The following ATP10A variants were observed in gnomAD, a reference collection of about 807,000 sequenced individuals.
The protein encoded by ATP10A is ATPase phospholipid transporting 10A (putative).
In ATP10A, 111 loss-of-function variants were observed where a neutral mutation model predicts 147.8. The observed-to-expected ratio is 0.75, with a 90% confidence interval of 0.64 to 0.88. The LOEUF is 0.88. Among genes scored for constraint, ATP10A ranks in the 40% least tolerant of loss-of-function variants. The pLI, the probability that ATP10A is intolerant of heterozygous loss-of-function variation, is 0.00. For missense variants in ATP10A, 1,927 were observed against 1,959.0 expected (o/e 0.98, Z 0.31); for synonymous variants, 875 against 841.6 (o/e 1.04, Z -0.69).
intron 20 of ATP10A, 23 bp downstream of exon 20, chr15:25,680,098 C>A: frequency 6.2e-7 from 1 of 1,610,032 alleles, no homozygotes. Flanking sequence ...GGCTCAGAGG[C>A]ACTATCCCGC....
rs139036982 is a variant in ATP10A, at chr15:25,713,213, G to A, written c.2344+461C>T. 5.5e-3 allele frequency among the ~76,000 whole-genome samples: 842 copies of A among 152,242 alleles called. 6 individuals carry two copies. The highest frequency in any genetic ancestry group is 0.019 in the African/African-American group (789 of 41,548). ...CAGGTTCCCTTTATGAGGGGGGCTC[G>A]GCCCTTCCCCTCCCAAGTGCCAGAA... On this transcript the variant is annotated intron_variant, in intron 10 of 20. Transcript: ENST00000555815.
At chr15:25,835,365 T>C (rs1892543630) in intron 1 of ATP10A, among the ~76,000 whole-genome samples, 1 of 152,202 alleles carries the variant, frequency 6.6e-6, no homozygotes, top group African/African-American at 2.4e-5. Context: ...AAAAAGCTAC[T>C]GAATTGTATA....
chr15:25,781,065 T>A lies in ATP10A; in HGVS notation c.608A>T (p.Glu203Val), dbSNP rs1175387648. ...CACCTGCCGCCGCTTCAGGTTGGTC[T>A]CTCCATCCAGGTTGGCGGTCTCGAT... ...CHIETANLDG[E>V]TNLKRRQVVR... Residue 203 changes from glutamate to valine, a missense_variant, in exon 2 of 21, where the codon GAG becomes GTG. By Grantham distance (121) the Glu-to-Val change is moderately radical (BLOSUM62 -2). Transcript: ENST00000555815. The A allele has an allele frequency of 6.2e-7, 1 of 1,613,976 alleles. No individual in the cohort carries two copies. The highest frequency in any genetic ancestry group is 8.5e-7 in the Non-Finnish European group (1 of 1,180,036).
intron 1 of ATP10A, among the ~76,000 whole-genome samples, chr15:25,790,899 T>A (rs2140744182): frequency 6.6e-6 from 1 of 152,298 alleles, no homozygotes; most frequent in African/African-American, 2.4e-5. Context: ...CATTCATTGG[T>A]ATGACAATCC....
chr15:25,785,264 A>G (rs909478788), intron 1 of ATP10A, among the ~76,000 whole-genome samples: 2 of 152,150 alleles, frequency 1.3e-5, no homozygotes, highest in African/African-American at 2.4e-5. Context: ...GAATGAGGCC[A>G]TAAGGCTAGG....
rs1420482554 is a variant in ATP10A at position 25,703,292 on chromosome 15, T to C, written c.2576-1192A>G. On this transcript the variant is annotated intron_variant, in intron 12 of 20. Transcript: ENST00000555815. ...ATTGCTTGAACCCAGGAGGTGGAGG[T>C]TGCAGTGAGCTGAGATCATGCCACT... 2.6e-5 allele frequency among the ~76,000 whole-genome samples: 4 copies of C among 152,036 alleles called. No homozygotes were observed. The East Asian group carries it at 7.7e-4, about 29-fold the overall frequency.
intron 12 of ATP10A, among the ~76,000 whole-genome samples, chr15:25,706,198 G>A (rs569013882): frequency 1.2e-4 from 18 of 152,164 alleles, no homozygotes; most frequent in Non-Finnish European, 2.5e-4. Context: ...CTCGGGTGCC[G>A]CAGGGGCCGT....
At chr15:25,807,727 G>A (rs770360223) in intron 1 of ATP10A, among the ~76,000 whole-genome samples, 62 of 152,122 alleles carry the variant, frequency 4.1e-4, no homozygotes, top group Middle Eastern at 6.8e-3. Flanking sequence ...GCTTGAATCT[G>A]GGAGGCAGAG....
Position 25,680,241 on chromosome 15 carries a change from T to C in ATP10A, c.3746A>G (p.Asn1249Ser). ...AGGATAGCACGTGGCACAAGACGCA[T>C]TGTAAATCAAAGCCACGGTGAAAAA... ...LLFFTVALIYNASCATCYPPS... is the reference protein window; with the variant it reads ...LLFFTVALIYSASCATCYPPS... Residue 1249 changes from asparagine to serine, a missense_variant, in exon 20 of 21, where the codon AAT becomes AGT. Physicochemically the swap from Asn to Ser is conservative, Grantham distance 46 (BLOSUM62 1). Coordinates refer to ENST00000555815, the MANE Select transcript of ATP10A (RefSeq NM_024490.4). 1.2e-6 allele frequency: 2 copies of C among 1,614,136 alleles called. No homozygotes were observed. The highest frequency in any genetic ancestry group is 1.7e-6 in the Non-Finnish European group (2 of 1,180,004).
chr15:25,705,179 G>A (rs1900902114), intron 12 of ATP10A, among the ~76,000 whole-genome samples: 1 of 152,254 alleles, frequency 6.6e-6, no homozygotes, highest in Admixed American at 6.5e-5. Flanking sequence ...AGGGGCACAC[G>A]CCTGTAATCC....
chr15:25,729,670 C>A (rs1203775054), intron 3 of ATP10A, among the ~76,000 whole-genome samples: 1 of 152,172 alleles, frequency 6.6e-6, no homozygotes, highest in Non-Finnish European at 1.5e-5. Context: ...GCCCCAGCCA[C>A]CCCCACACAG....
intron 1 of ATP10A, among the ~76,000 whole-genome samples, chr15:25,793,997 G>A (rs1890549149): frequency 6.6e-6 from 1 of 152,218 alleles, no homozygotes; most frequent in South Asian, 2.1e-4. Flanking sequence ...CATTCAGGAT[G>A]TGTATGGGAG....
intron 16 of ATP10A, among the ~76,000 whole-genome samples, chr15:25,687,446 T>C (rs1028762549): frequency 2.6e-5 from 4 of 151,956 alleles, no homozygotes; most frequent in African/African-American, 7.2e-5. Context: ...CAGCCATCAG[T>C]GGACTTGCTA....
downstream of ATP10A, among the ~76,000 whole-genome samples, chr15:25,675,823 A>G (rs1417039971): frequency 1.3e-5 from 2 of 151,980 alleles, no homozygotes; most frequent in Non-Finnish European, 2.9e-5. Context: ...GCAGGTGCCT[A>G]TAGTCCCAGC....
Position 25,695,160 on chromosome 15 carries a change from G to A in ATP10A, c.2761-14C>T, listed in dbSNP as rs1490813870. 5 of 1,600,174 alleles carry A rather than the reference G, an allele frequency of 3.1e-6. No individual in the cohort carries two copies. Among genetic ancestry groups the A allele is most frequent in the Admixed American group, 1.7e-5 (1 of 59,336 alleles). On this transcript the variant is annotated splice_polypyrimidine_tract_variant and intron_variant, in intron 13 of 20. Coordinates refer to ENST00000555815, the MANE Select transcript of ATP10A (RefSeq NM_024490.4). ...TGCACACGCCTCCTGAAAGGGACAT[G>A]AGAGGACAGCGCAGTTCCCTCAGAG...
intron 10 of ATP10A, among the ~76,000 whole-genome samples, chr15:25,711,676 G>A (rs1040885694): frequency 7.2e-5 from 11 of 152,160 alleles, no homozygotes; most frequent in Non-Finnish European, 1.2e-4. Flanking sequence ...TTTTGATAAG[G>A]TGAGAGTTGA....
chr15:25,792,164 C>T (rs970797826), intron 1 of ATP10A, among the ~76,000 whole-genome samples: 1 of 152,218 alleles, frequency 6.6e-6, no homozygotes, highest in Non-Finnish European at 1.5e-5. Context: ...CAGATAATAT[C>T]ATTTGATTTG....
In ATP10A at chr15:25,704,262, T is replaced by C. The variant is rs890352872; in HGVS notation, c.2576-2162A>G. ...TACTTAATGATAGTAATAATGATTA[T>C]AGAGTAAGACTAATAATGGCTAACC... On this transcript the variant is annotated intron_variant, in intron 12 of 20. Transcript: ENST00000555815. 3.3e-5 allele frequency among the ~76,000 whole-genome samples: 5 copies of C among 151,814 alleles called. No individual in the cohort carries two copies. In the East Asian group the frequency reaches 5.8e-4, roughly 18 times the overall value.
chr15:25,730,342 A>G (rs1300951580), intron 3 of ATP10A, among the ~76,000 whole-genome samples: 1 of 3,776 alleles, frequency 2.6e-4, no homozygotes, highest in Non-Finnish European at 8.8e-3. Context: ...GAAAGAAAGA[A>G]AGGAAGGAAG....
Sources: allele counts gnomAD v4.1 joint callset (sites outside exome capture counted in the v4.1 genomes callset), GRCh38; gene constraint gnomAD v4.1.1; transcripts MANE v1.5; gene names NCBI Gene and HGNC (gene_info 2026-07-23, HGNC 2026-07-21).